The following NUAK1 variants were observed in gnomAD, a reference collection of about 807,000 sequenced individuals.
The protein encoded by NUAK1 is NUAK family kinase 1, also known as NUAK family SNF1-like kinase 1.
Under a neutral mutation model 56.9 loss-of-function variants are expected in NUAK1, and 26 were observed. The ratio of observed to expected loss-of-function variants is 0.46; its 90% CI spans 0.33 to 0.63. The LOEUF (loss-of-function observed/expected upper bound fraction) is 0.63, where lower values mean the gene tolerates loss of function less well. NUAK1 is among the 30% of genes least tolerant of loss of function. The pLI is 0.02. For synonymous variants in NUAK1, 337 were observed against 336.0 expected, an observed-to-expected ratio of 1.00 and a Z score of -0.03; for missense variants, 727 against 876.1, an observed-to-expected ratio of 0.83 and a Z score of 2.15.
At chr12:106,086,318 A>G (rs2032570090) in intron 3 of NUAK1, among the ~76,000 whole-genome samples, 1 of 152,190 alleles carries the variant, frequency 6.6e-6, no homozygotes. Flanking sequence ...CCACCGTGGT[A>G]CCCTAGATTG....
intron 6 of NUAK1, 59 bp downstream of exon 6, chr12:106,070,715 G>A (rs1451532875): frequency 2.5e-6 from 4 of 1,600,396 alleles, no homozygotes; most frequent in South Asian, 2.2e-5. Flanking sequence ...GAAAATAAGA[G>A]TTGGGTAAGC....
chr12:106,109,177 G>A (rs941163747), intron 1 of NUAK1, among the ~76,000 whole-genome samples: 1 of 152,192 alleles, frequency 6.6e-6, no homozygotes, highest in Non-Finnish European at 1.5e-5. Flanking sequence ...CTCCCAGAGT[G>A]GTGGCGGACC....
intron 2 of NUAK1, among the ~76,000 whole-genome samples, chr12:106,094,774 T>TA (rs1199036658): frequency 6.6e-6 from 1 of 152,194 alleles, no homozygotes; most frequent in African/African-American, 2.4e-5. Flanking sequence ...TAAGAAAGTG[T>TA]AGAAGCCACC....
At chr12:106,126,799 C>T (rs979657226) in intron 1 of NUAK1, among the ~76,000 whole-genome samples, 9 of 152,286 alleles carry the variant, frequency 5.9e-5, no homozygotes, top group Middle Eastern at 3.4e-3. Context: ...CTCCTGGGTG[C>T]TCAATGTGCC....
At chr12:106,125,796 G>A (rs1010570867) in intron 1 of NUAK1, among the ~76,000 whole-genome samples, 1 of 152,074 alleles carries the variant, frequency 6.6e-6, no homozygotes, top group Non-Finnish European at 1.5e-5. Context: ...CTAACCATGA[G>A]GATGATGAAA....
At position 106,079,857 on chromosome 12, in the gene NUAK1, G is replaced by A. The variant is rs1016916923; in HGVS notation, c.579+4007C>T. Among the ~76,000 whole-genome samples the A allele has an allele frequency of 3.3e-5, 5 of 152,298 alleles. 1 individual carries two copies. Among genetic ancestry groups the A allele is most frequent in the East Asian group, 3.9e-4 (2 of 5,184 alleles). On this transcript the variant is annotated intron_variant, in intron 4 of 6. Transcript: ENST00000261402. ...TTATCACTGCTAGTTTAACAACTGC[G>A]AGATCCTGAGTTCCAAGACAGAAAT...
In NUAK1 at chr12:106,083,850, C is replaced by T. The variant is rs575511914; in HGVS notation, c.579+14G>A. ...CCAGGCCCTGCATATCAATCGACGA[C>T]GCAAGGGCTTTACCTTAATATTGCA... On this transcript the variant is annotated intron_variant, in intron 4 of 6. Coordinates refer to ENST00000261402, the MANE Select transcript of NUAK1 (RefSeq NM_014840.3). 5.2e-5 allele frequency: 84 copies of T among 1,613,240 alleles called. No individual in the cohort carries two copies. The highest frequency in any genetic ancestry group is 2.5e-4 in the East Asian group (11 of 44,868).
chr12:106,101,176 G>A (rs567868789), intron 2 of NUAK1, among the ~76,000 whole-genome samples: 8 of 152,190 alleles, frequency 5.3e-5, no homozygotes. Context: ...GCAGGGGCAG[G>A]TAGGGGCAGG....
intron 2 of NUAK1, among the ~76,000 whole-genome samples, chr12:106,092,241 G>A (rs770994969): frequency 5.3e-5 from 8 of 152,112 alleles, no homozygotes; most frequent in Non-Finnish European, 8.8e-5. Flanking sequence ...AGTCATAGCC[G>A]GGCGTGGTGG....
chr12:106,098,394 G>A (rs2032715040), intron 2 of NUAK1, among the ~76,000 whole-genome samples: 1 of 152,116 alleles, frequency 6.6e-6, no homozygotes, highest in Non-Finnish European at 1.5e-5. Context: ...GCTTATCAAA[G>A]GACGTGTTTG....
Position 106,108,500 on chromosome 12 carries a change from C to G in NUAK1, c.241-1975G>C, listed in dbSNP as rs961427449. ...TTCAGTATAGGGCAAGAAAAACTTC[C>G]CTTCACTTACGTCAAATGTAAAGAT... On this transcript the variant is annotated intron_variant, in intron 1 of 6. Transcript: ENST00000261402. 2.7e-5 allele frequency among the ~76,000 whole-genome samples: 4 copies of G among 145,886 alleles called. No homozygotes were observed. The Admixed American group carries it at 2.8e-4, about 10-fold the overall frequency.
At position 106,067,109 on chromosome 12, in the gene NUAK1, C is replaced by T; in HGVS notation, c.1679G>A (p.Gly560Asp). The T allele has an allele frequency of 6.2e-7, 1 of 1,614,204 alleles. No homozygotes were observed. The highest frequency in any genetic ancestry group is 1.7e-4 in the Middle Eastern group (1 of 6,060). The change falls in exon 7 of 7, where the codon GGC (glycine) becomes GAC (aspartate). Residue 560 changes from glycine to aspartate, a missense_variant. Gly to Asp is a moderately conservative substitution (Grantham distance 94). Transcript: ENST00000261402. The surrounding 1 kb of genome is among the most constrained non-coding windows in gnomAD (Gnocchi z 6.0). ...SLSEPGVPAE[G>D]LSRSYSRPSS... ...AGGGCGGCTGTAGCTCCGGGAGAGG[C>T]CCTCGGCAGGGACACCAGGCTCTGA... is the stretch of plus-strand genomic sequence containing the variant.
chr12:106,070,917 G>A lies in NUAK1; in HGVS notation c.700-11C>T. ...GGCCCAGCTGTCCACCTGGAGCAGAGAGACAGCACATATAGGAGAGCTGGG... is the reference window on the plus strand; with the variant it reads ...GGCCCAGCTGTCCACCTGGAGCAGAAAGACAGCACATATAGGAGAGCTGGG... On this transcript the variant is annotated splice_polypyrimidine_tract_variant and intron_variant, in intron 5 of 6. Coordinates refer to ENST00000261402, the MANE Select transcript of NUAK1 (RefSeq NM_014840.3). 1 of 1,614,050 alleles carries A rather than the reference G, an allele frequency of 6.2e-7. No homozygotes were observed. Among genetic ancestry groups the A allele is most frequent in the Non-Finnish European group, 8.5e-7 (1 of 1,179,952 alleles).
At chr12:106,107,692 A>G (rs2032816280) in intron 1 of NUAK1, among the ~76,000 whole-genome samples, 1 of 152,212 alleles carries the variant, frequency 6.6e-6, no homozygotes, top group Non-Finnish European at 1.5e-5. Flanking sequence ...CTCAGCAGGA[A>G]TATATTCACT....
At chr12:106,074,783 T>C (rs973703908) in intron 4 of NUAK1, among the ~76,000 whole-genome samples, 1 of 152,144 alleles carries the variant, frequency 6.6e-6, no homozygotes, top group Non-Finnish European at 1.5e-5. Context: ...CATCCCTGAA[T>C]GAATGGAATG....
chr12:106,101,074 A>G (rs1424804911), intron 2 of NUAK1, among the ~76,000 whole-genome samples: 1 of 152,210 alleles, frequency 6.6e-6, no homozygotes, highest in Non-Finnish European at 1.5e-5. Context: ...TCATTCTGTG[A>G]GTAGCAGGGA....
chr12:106,121,626 T>G (rs531555955), intron 1 of NUAK1, among the ~76,000 whole-genome samples: 1 of 152,148 alleles, frequency 6.6e-6, no homozygotes, highest in Non-Finnish European at 1.5e-5. Context: ...GGCGGGTGCC[T>G]GCAATCCCAG....
chr12:106,116,373 C>T (rs1318775282), intron 1 of NUAK1, among the ~76,000 whole-genome samples: 1 of 152,214 alleles, frequency 6.6e-6, no homozygotes, highest in African/African-American at 2.4e-5. Context: ...GAGACAATAA[C>T]AGTGCCCACT....
intron 1 of NUAK1, among the ~76,000 whole-genome samples, chr12:106,109,619 G>T (rs1362501759): frequency 6.6e-6 from 1 of 151,466 alleles, no homozygotes; most frequent in Admixed American, 6.6e-5. Flanking sequence ...GCTTCAGGAA[G>T]TTGAAGGATA....
Sources: allele counts gnomAD v4.1 joint callset (sites outside exome capture counted in the v4.1 genomes callset), GRCh38; gene constraint gnomAD v4.1.1; non-coding constraint Gnocchi (gnomAD v3.1); transcripts MANE v1.5; gene names NCBI Gene and HGNC (gene_info 2026-07-23, HGNC 2026-07-21).